The following KRT76 variants were observed in gnomAD, a reference collection of about 807,000 sequenced individuals.
The protein encoded by KRT76 is keratin 76.
Under a neutral mutation model 44.9 loss-of-function variants are expected in KRT76, and 47 were observed. The observed-to-expected ratio is 1.05, with a 90% CI of 0.83 to 1.33. The LOEUF (loss-of-function observed/expected upper bound fraction) is 1.33. Among genes scored for constraint, KRT76 ranks in the 40% most tolerant of loss-of-function variants. The pLI is 0.00. For synonymous variants in KRT76, 331 were observed against 294.1 expected, an observed-to-expected ratio of 1.13 and a Z score of -1.28; for missense variants, 860 against 775.8, an observed-to-expected ratio of 1.11 and a Z score of -1.29.
In KRT76 at chr12:52,773,594, CA is replaced by C. The variant is rs761686530; in HGVS notation, c.863del (p.Val288GlyfsTer12). ...CAGGCTCACCTACCTTCTTGAGCCC[CA>C]CAAACTCATTCTCTGCGGCAGTGCG... ...NKRTAAENEF[V>X]GLKKDVDAAF... On this transcript the variant is annotated frameshift_variant, in exon 3 of 9. Coordinates refer to ENST00000332411, the MANE Select transcript of KRT76 (RefSeq NM_015848.4). LOFTEE classifies it high-confidence loss of function. 8.5e-5 allele frequency: 137 copies of C among 1,612,962 alleles called. No individual in the cohort carries two copies. Among genetic ancestry groups the C allele is most frequent in the Admixed American group, 2.8e-4 (17 of 59,992 alleles).
At position 52,768,834 on chromosome 12, in the gene KRT76, C is replaced by T. The variant is rs747317000; in HGVS notation, c.1796G>A (p.Gly599Asp). The part of the protein sequence containing the change: ...GSISVSHSGM[G>D]SSSGSIQTSG... ...AGTCTGGATGCTGCCAGAGCTGGAGCCCATTCCACTGTGGCTCACGGAGAT... is the reference window on the plus strand; with the variant it reads ...AGTCTGGATGCTGCCAGAGCTGGAGTCCATTCCACTGTGGCTCACGGAGAT... Residue 599 changes from glycine (G) to aspartate (D), a missense_variant, in exon 9 of 9, where the codon GGC becomes GAC. Transcript: ENST00000332411. The T allele has an allele frequency of 3.1e-6, 5 of 1,613,978 alleles. No homozygotes were observed. The highest frequency in any genetic ancestry group is 1.1e-5 in the South Asian group (1 of 91,074).
intron 2 of KRT76, among the ~76,000 whole-genome samples, chr12:52,774,250 C>T (rs1231548114): frequency 2.6e-5 from 4 of 152,182 alleles, no homozygotes; most frequent in South Asian, 2.1e-4. Flanking sequence ...CCTCTAAATG[C>T]AGTGATGGGC....
At chr12:52,773,411 A>G (rs1939214843) in intron 3 of KRT76, among the ~76,000 whole-genome samples, 171 bp downstream of exon 3, 2 of 152,168 alleles carry the variant, frequency 1.3e-5, no homozygotes, top group African/African-American at 2.4e-5. Context: ...ATGGTAATAT[A>G]CTTAGAGCAG....
Position 52,772,151 on chromosome 12 carries a change from C to A in KRT76, c.1080G>T (p.Gln360His). 1 of 1,613,822 alleles carries A rather than the reference C, an allele frequency of 6.2e-7. No homozygotes were observed. The highest frequency in any genetic ancestry group is 8.5e-7 in the Non-Finnish European group (1 of 1,179,782). The change falls in exon 5 of 9, where the codon CAG becomes CAT. Residue 360 changes from glutamine to histidine, a missense_variant. Coordinates refer to ENST00000332411, the MANE Select transcript of KRT76 (RefSeq NM_015848.4). ...LGSIIAEVRAQYEEIAQRSKS... is the reference protein window; with the variant it reads ...LGSIIAEVRAHYEEIAQRSKS... Reference sequence around the variant, plus strand: ...TGCTCCTCTGGGCAATCTCCTCATACTGGGCGCGGACCTCGGCAATGATGC... The same window carrying A: ...TGCTCCTCTGGGCAATCTCCTCATAATGGGCGCGGACCTCGGCAATGATGC...
At chr12:52,775,205 A>C (rs1197016605) in intron 2 of KRT76, among the ~76,000 whole-genome samples, 183 bp downstream of exon 2, 1 of 152,168 alleles carries the variant, frequency 6.6e-6, no homozygotes, top group Non-Finnish European at 1.5e-5. Flanking sequence ...AATCTGTGTC[A>C]TAGCCACATG....
Position 52,769,371 on chromosome 12 carries a change from G to A in KRT76, c.1519+178C>T, listed in dbSNP as rs561335069. 2.1e-3 allele frequency among the ~76,000 whole-genome samples: 317 copies of A among 152,344 alleles called. 2 individuals are homozygous for A. Among genetic ancestry groups the A allele is most frequent in the African/African-American group, 7.1e-3 (295 of 41,588 alleles). On this transcript the variant is annotated intron_variant, in intron 8 of 8. Coordinates refer to ENST00000332411, the MANE Select transcript of KRT76 (RefSeq NM_015848.4). ...GAGGGGCTTTAGCTTTGGCCTGAGAGGTTGTCAGCTTACACTAGGGGCAGA... is the reference window on the plus strand; with the variant it reads ...GAGGGGCTTTAGCTTTGGCCTGAGAAGTTGTCAGCTTACACTAGGGGCAGA...
At chr12:52,776,619 C>A in intron 1 of KRT76, 73 bp downstream of exon 1, 1 of 1,609,856 alleles carries the variant, frequency 6.2e-7, no homozygotes, top group Non-Finnish European at 8.5e-7. Flanking sequence ...TCTCACAAGT[C>A]CCCATGGCAT....
Position 52,772,880 on chromosome 12 carries a change from T to C in KRT76, c.877-2A>G, listed in dbSNP as rs1411618129. On this transcript the variant is annotated splice_acceptor_variant, in intron 3 of 8. Transcript: ENST00000332411. LOFTEE classifies it high-confidence loss of function. ...GTTCATGAAAGCCGCATCCACATCC[T>C]GCAGAGGAGGTCAGAAACCCAGAGA... The C allele has an allele frequency of 1.9e-6, 3 of 1,612,532 alleles. No homozygotes were observed. The highest frequency in any genetic ancestry group is 1.7e-6 in the Non-Finnish European group (2 of 1,178,582).
At position 52,769,060 on chromosome 12, in the gene KRT76, C is replaced by T; in HGVS notation, c.1570G>A (p.Gly524Arg). ...STSGSSGSSR[G>R]VFGGVSGSGS... is the part of the protein sequence containing the mutation. ...CTGCCACTGACCCCTCCAAAAACTC[C>T]ACGGCTACTGCCAGAGCTGCCACTT... The change falls in exon 9 of 9, where the codon GGA (glycine) becomes AGA (arginine). Residue 524 changes from glycine (G) to arginine (R), a missense_variant. Transcript: ENST00000332411. The T allele has an allele frequency of 1.4e-6, 1 of 729,266 alleles. No homozygotes were observed. Among genetic ancestry groups the T allele is most frequent in the South Asian group, 1.5e-5 (1 of 67,806 alleles). 45.2% of individuals were successfully genotyped at this position (729,266 alleles called of 1,614,324 possible). A position where few individuals can be genotyped will look rare whatever the true frequency, so the allele number is the denominator to read the frequency against.
rs1939188296 is a variant in KRT76 at position 52,771,918 on chromosome 12, T to G, written c.1216A>C (p.Arg406=). 1.2e-6 allele frequency: 2 copies of G among 1,614,196 alleles called. No homozygotes were observed. ...TCAGCCCGTAGCCTCTGGATCATCCTGTTGAGCTCCATGATCTCACTCTTG... is the reference window on the plus strand; with the variant it reads ...TCAGCCCGTAGCCTCTGGATCATCCGGTTGAGCTCCATGATCTCACTCTTG... The part of the protein sequence containing the change: ...NTKSEIMELN[R]MIQRLRAEIE... The change falls in exon 6 of 9, where the codon AGG becomes CGG. Residue 406 remains arginine (R), a synonymous_variant. Coordinates refer to ENST00000332411, the MANE Select transcript of KRT76 (RefSeq NM_015848.4).
chr12:52,773,279 A>T (rs1362564720), intron 3 of KRT76, among the ~76,000 whole-genome samples: 1 of 152,218 alleles, frequency 6.6e-6, no homozygotes, highest in Non-Finnish European at 1.5e-5. Flanking sequence ...ATTGTTATTA[A>T]TAGCATCTGG....
Position 52,771,911 on chromosome 12 carries a change from A to T in KRT76, c.1223T>A (p.Ile408Asn), listed in dbSNP as rs1939188230. The change falls in exon 6 of 9, where the codon ATC becomes AAC. Residue 408 changes from isoleucine (I) to asparagine (N), a missense_variant. Coordinates refer to ENST00000332411, the MANE Select transcript of KRT76 (RefSeq NM_015848.4). Reference sequence around the variant, plus strand: ...TTCAATCTCAGCCCGTAGCCTCTGGATCATCCTGTTGAGCTCCATGATCTC... The same window carrying T: ...TTCAATCTCAGCCCGTAGCCTCTGGTTCATCCTGTTGAGCTCCATGATCTC... ...KSEIMELNRM[I>N]QRLRAEIENV... The T allele has an allele frequency of 6.2e-7, 1 of 1,614,010 alleles. No individual in the cohort carries two copies.
intron 2 of KRT76, among the ~76,000 whole-genome samples, chr12:52,773,844 T>G (rs1230408432): frequency 2.6e-5 from 4 of 151,344 alleles, no homozygotes; most frequent in Non-Finnish European, 5.9e-5. Context: ...TTTTTTTTTT[T>G]TTTCTGAGAC....
intron 2 of KRT76, among the ~76,000 whole-genome samples, chr12:52,774,317 G>A (rs981708480): frequency 2.0e-5 from 3 of 152,148 alleles, no homozygotes; most frequent in African/African-American, 7.2e-5. Flanking sequence ...CACTTGCCTA[G>A]GCTCTTTGAT....
At chr12:52,774,309 C>G (rs1023146487) in intron 2 of KRT76, among the ~76,000 whole-genome samples, 1 of 152,198 alleles carries the variant, frequency 6.6e-6, no homozygotes, top group South Asian at 2.1e-4. Flanking sequence ...AGCCTGACCA[C>G]TTGCCTAGGC....
At chr12:52,769,678 GC>G in intron 7 of KRT76, 95 bp from the exon 8 acceptor site, 1 of 1,049,196 alleles carries the variant, frequency 9.5e-7, no homozygotes. Flanking sequence ...CCTCCCATTT[GC>G]CCCACTAGGG....
intron 1 of KRT76, among the ~76,000 whole-genome samples, 158 bp from the exon 2 acceptor site, chr12:52,775,760 G>A (rs994933506): frequency 1.3e-5 from 2 of 152,206 alleles, no homozygotes; most frequent in Non-Finnish European, 2.9e-5. Flanking sequence ...CAAAGGGAGA[G>A]CTAGAATTTG....
chr12:52,773,234 G>C (rs948466313), intron 3 of KRT76, among the ~76,000 whole-genome samples: 1 of 152,096 alleles, frequency 6.6e-6, no homozygotes, highest in East Asian at 1.9e-4. Context: ...TCACTTTTAC[G>C]ATGACTGGTT....
In KRT76 at chr12:52,777,066, A is replaced by G; in HGVS notation, c.226T>C (p.Ser76Pro). Residue 76 changes from serine to proline, a missense_variant, in exon 1 of 9, where the codon TCC becomes CCC. By Grantham distance (74) the Ser-to-Pro change is moderately conservative. Transcript: ENST00000332411. ...SISISVAAGS[S>P]RAGGFGGGRS... Reference sequence around the variant, plus strand: ...CCTCCCCCAAAGCCTCCAGCCCGGGAGCTGCCAGCTGCCACGCTGATGGAG... The same window carrying G: ...CCTCCCCCAAAGCCTCCAGCCCGGGGGCTGCCAGCTGCCACGCTGATGGAG... 1 of 1,614,134 alleles carries G rather than the reference A, an allele frequency of 6.2e-7. No individual in the cohort carries two copies. Among genetic ancestry groups the G allele is most frequent in the Non-Finnish European group, 8.5e-7 (1 of 1,180,022 alleles).
Sources: gnomAD v4.1 joint callset for allele counts (sites outside exome capture counted in the v4.1 genomes callset) on GRCh38, gnomAD v4.1.1 for gene constraint, MANE v1.5 for transcripts, NCBI Gene and HGNC (gene_info 2026-07-23, HGNC 2026-07-21) for gene names.